The following CFHR2 variants were observed in gnomAD, a reference collection of about 807,000 sequenced individuals.
The protein encoded by CFHR2 is complement factor H related 2.
Under a neutral mutation model 21.7 loss-of-function variants are expected in CFHR2, and 22 were observed. The observed-to-expected ratio is 1.01, with a 90% CI of 0.72 to 1.45. The LOEUF is 1.45. CFHR2 is among the 40% of genes most tolerant of loss of function. The pLI, the probability that CFHR2 is intolerant of heterozygous loss-of-function variation, is 0.00. For missense variants in CFHR2, 294 were observed against 293.3 expected (o/e 1.00, Z -0.02); for synonymous variants, 98 against 97.4 (o/e 1.01, Z -0.04).
intron 3 of CFHR2, among the ~76,000 whole-genome samples, chr1:196,953,236 A>G (rs1428653514): frequency 6.6e-6 from 1 of 151,188 alleles, no homozygotes; most frequent in Non-Finnish European, 1.5e-5. Context: ...ACCCTACATC[A>G]GCCAAGATTA....
intron 1 of CFHR2, among the ~76,000 whole-genome samples, chr1:196,944,947 G>A (rs991371572): frequency 2.1e-4 from 32 of 149,586 alleles, no homozygotes; most frequent in African/African-American, 7.4e-4. Flanking sequence ...TGTGATTTCG[G>A]CTCACCACAA....
chr1:196,949,421 T>C (rs1188479235), intron 1 of CFHR2, 34 bp from the exon 2 acceptor site: 10 of 1,561,866 alleles, frequency 6.4e-6, no homozygotes, highest in Non-Finnish European at 8.8e-6. Flanking sequence ...TGTAGCTTAT[T>C]ATGTAATTCT....
intron 1 of CFHR2, among the ~76,000 whole-genome samples, chr1:196,946,397 C>T (rs917267153): frequency 6.6e-6 from 1 of 151,966 alleles, no homozygotes; most frequent in Non-Finnish European, 1.5e-5. Flanking sequence ...AATAAATTAA[C>T]CTTAGTTTAT....
intron 3 of CFHR2, among the ~76,000 whole-genome samples, chr1:196,954,825 G>A (rs138579109): frequency 0.017 from 2,520 of 152,360 alleles, 35 homozygotes; most frequent in Non-Finnish European, 0.027. Flanking sequence ...GGAGCAGCTA[G>A]GACTCAGCAG....
intron 3 of CFHR2, among the ~76,000 whole-genome samples, chr1:196,956,651 G>A (rs192369758): frequency 6.6e-6 from 1 of 151,890 alleles, no homozygotes; most frequent in Non-Finnish European, 1.5e-5. Context: ...CCTATCCAGA[G>A]GATTTTTTTA....
chr1:196,949,601 C>G lies in CFHR2; in HGVS notation c.205C>G (p.Arg69Gly), dbSNP rs760790756. 6 of 1,613,992 alleles carry G rather than the reference C, an allele frequency of 3.7e-6. No homozygotes were observed. The Admixed American group carries it at 8.3e-5, about 22-fold the overall frequency. Residue 69 changes from arginine to glycine, a missense_variant, in exon 2 of 5, where the codon CGC (arginine) becomes GGC (glycine). Arg to Gly is a moderately radical substitution (Grantham distance 125). Coordinates refer to ENST00000367415, the MANE Select transcript of CFHR2 (RefSeq NM_005666.4). ...GTCTCCTTCAAAATCCTTTTGGACTCGCATAACGTGCGCAGAAGAAGGATG... is the reference window on the plus strand; with the variant it reads ...GTCTCCTTCAAAATCCTTTTGGACTGGCATAACGTGCGCAGAAGAAGGATG... ...FVSPSKSFWT[R>G]ITCAEEGWSP...
chr1:196,955,988 T>G (rs1558271929), intron 3 of CFHR2, among the ~76,000 whole-genome samples: 1 of 152,116 alleles, frequency 6.6e-6, no homozygotes, highest in Non-Finnish European at 1.5e-5. Context: ...GACAAGTGGA[T>G]GAAGGAGGAA....
chr1:196,944,818 A>G lies in CFHR2; in HGVS notation c.58+880A>G, dbSNP rs1367110953. Among the ~76,000 whole-genome samples, 5 of 151,450 alleles carry G rather than the reference A, an allele frequency of 3.3e-5. No homozygotes were observed. The East Asian group carries it at 9.6e-4, about 29-fold the overall frequency. ...ATAACAGAACAACATGAACAATAACATGCTTTCCTTTAAATATTTGCCCTT... is the reference window on the plus strand; with the variant it reads ...ATAACAGAACAACATGAACAATAACGTGCTTTCCTTTAAATATTTGCCCTT... On this transcript the variant is annotated intron_variant, in intron 1 of 4. Coordinates refer to ENST00000367415, the MANE Select transcript of CFHR2 (RefSeq NM_005666.4).
intron 4 of CFHR2, among the ~76,000 whole-genome samples, 153 bp from the exon 5 acceptor site, chr1:196,958,728 A>G (rs1652998242): frequency 6.6e-6 from 1 of 152,078 alleles, no homozygotes; most frequent in South Asian, 2.1e-4. Context: ...TTTTAAATTT[A>G]CTTAAATCTA....
chr1:196,951,710 G>A (rs368654322), intron 3 of CFHR2, among the ~76,000 whole-genome samples: 1 of 152,072 alleles, frequency 6.6e-6, no homozygotes, highest in Non-Finnish European at 1.5e-5. Flanking sequence ...AACTTCTATA[G>A]CTCTTTCTCT....
At position 196,958,111 on chromosome 1, in the gene CFHR2, C is replaced by T. The variant is rs530889378; in HGVS notation, c.613+38C>T. The stretch of plus-strand genomic sequence containing the variant: ...ATATTCTCATGGATTCTGGAAAAAT[C>T]AGTGTGATGAGTCTGATATTTCACT... On this transcript the variant is annotated intron_variant, in intron 4 of 4. Coordinates refer to ENST00000367415, the MANE Select transcript of CFHR2 (RefSeq NM_005666.4). The T allele has an allele frequency of 1.9e-6, 3 of 1,578,700 alleles. No individual in the cohort carries two copies. The African/African-American group carries it at 4.0e-5, about 21-fold the overall frequency.
chr1:196,955,596 C>A (rs763442179), intron 3 of CFHR2, among the ~76,000 whole-genome samples: 19 of 152,154 alleles, frequency 1.2e-4, no homozygotes, highest in Non-Finnish European at 1.2e-4. Flanking sequence ...CACCTGTAAT[C>A]CTAGCACTTT....
intron 3 of CFHR2, among the ~76,000 whole-genome samples, chr1:196,956,671 T>G (rs898439788): frequency 2.0e-5 from 3 of 152,152 alleles, no homozygotes; most frequent in Non-Finnish European, 2.9e-5. Flanking sequence ...AATTATTGTT[T>G]TACTATTTGG....
chr1:196,954,527 G>T (rs948491063), intron 3 of CFHR2, among the ~76,000 whole-genome samples: 3 of 152,212 alleles, frequency 2.0e-5, no homozygotes, highest in Admixed American at 2.0e-4. Flanking sequence ...GTGACTCTGT[G>T]TGGGGGTTCC....
At chr1:196,949,408 T>C (rs1458350358) in intron 1 of CFHR2, 47 bp from the exon 2 acceptor site, 5 of 1,528,694 alleles carry the variant, frequency 3.3e-6, no homozygotes, top group Non-Finnish European at 4.5e-6. Context: ...AGTGATTTAT[T>C]TATGTAGCTT....
chr1:196,950,567 G>A lies in CFHR2; in HGVS notation c.254-285G>A, dbSNP rs139626655. On this transcript the variant is annotated intron_variant, in intron 2 of 4. Transcript: ENST00000367415. ...CGACTCACTGCTACCTCTGCCTTCT[G>A]GGTTCAAGTGATTCTCCTGTCTCAG... Among the ~76,000 whole-genome samples, 1,014 of 152,108 alleles carry A rather than the reference G, an allele frequency of 6.7e-3. 14 individuals carry two copies. Among genetic ancestry groups the A allele is most frequent in the African/African-American group, 0.023 (973 of 41,494 alleles).
At chr1:196,946,039 A>T (rs1659471148) in intron 1 of CFHR2, among the ~76,000 whole-genome samples, 1 of 152,142 alleles carries the variant, frequency 6.6e-6, no homozygotes, top group African/African-American at 2.4e-5. Context: ...GTATATGTTT[A>T]TCTCAATATA....
At chr1:196,949,185 T>A (rs1659630477) in intron 1 of CFHR2, among the ~76,000 whole-genome samples, 2 of 152,152 alleles carry the variant, frequency 1.3e-5, no homozygotes, top group East Asian at 3.8e-4. Flanking sequence ...GTGTGAGGGT[T>A]TTCTTCTTGA....
At chr1:196,957,398 G>A (rs1020525940) in intron 3 of CFHR2, among the ~76,000 whole-genome samples, 4 of 149,376 alleles carry the variant, frequency 2.7e-5, no homozygotes, top group South Asian at 2.1e-4. Context: ...TTAGCATAAG[G>A]AAAAGGTAGA....
Sources: gnomAD v4.1 joint callset for allele counts (sites outside exome capture counted in the v4.1 genomes callset) on GRCh38, gnomAD v4.1.1 for gene constraint, MANE v1.5 for transcripts, NCBI Gene and HGNC (gene_info 2026-07-23, HGNC 2026-07-21) for gene names.